The following MAGI1 variants were observed in gnomAD, a reference collection of about 807,000 sequenced individuals.
MAGI1 encodes the protein membrane-associated guanylate kinase, WW and PDZ domain-containing protein 1.
MAGI1 carries 58 observed loss-of-function variants against 139.9 expected under a neutral mutation model. The observed-to-expected ratio is 0.41, with a 90% CI of 0.34 to 0.52. MAGI1 has a LOEUF of 0.52. Ranked by LOEUF, MAGI1 falls within the 20% of genes least tolerant of loss-of-function variation. The probability of loss-of-function intolerance (pLI) is 0.12; values close to 1 mark genes in which losing one functional copy is unlikely to be tolerated. For missense variants in MAGI1, 1,874 were observed against 1,901.6 expected (o/e 0.99, Z 0.27); for synonymous variants, 812 against 737.9 (o/e 1.10, Z -1.63).
intron 1 of MAGI1, among the ~76,000 whole-genome samples, chr3:65,850,342 T>C (rs2059158972): frequency 6.6e-6 from 1 of 152,100 alleles, no homozygotes; most frequent in Non-Finnish European, 1.5e-5. Context: ...ATATGCAAAC[T>C]TAATCCCAGT....
chr3:65,642,789 G>C (rs1416245056), intron 1 of MAGI1, among the ~76,000 whole-genome samples: 1 of 152,118 alleles, frequency 6.6e-6, no homozygotes. Flanking sequence ...TTATATAAAA[G>C]AATAACAATT....
rs116344983 is a variant in MAGI1, at chr3:65,866,314, A to G, written c.313+171682T>C. ...CTGCATCCTCAACCTCCTGGGCTCA[A>G]GCGGTCCTCCCACCTCAACCTCCTG... On this transcript the variant is annotated intron_variant, in intron 1 of 22. Coordinates refer to ENST00000402939, the MANE Select transcript of MAGI1 (RefSeq NM_001033057.2). 5.1e-3 allele frequency among the ~76,000 whole-genome samples: 763 copies of G among 150,340 alleles called. 9 individuals are homozygous for G. Among genetic ancestry groups the G allele is most frequent in the African/African-American group, 0.018 (734 of 40,840 alleles).
At chr3:65,499,970 AT>A in intron 2 of MAGI1, among the ~76,000 whole-genome samples, 1 of 152,308 alleles carries the variant, frequency 6.6e-6, no homozygotes, top group Middle Eastern at 3.4e-3. Flanking sequence ...TTTAAGAAAT[AT>A]TTTAAGACCT....
chr3:65,573,712 C>T (rs2081058845), intron 2 of MAGI1, among the ~76,000 whole-genome samples: 1 of 152,074 alleles, frequency 6.6e-6, no homozygotes, highest in Non-Finnish European at 1.5e-5. Flanking sequence ...TTCTGTCTAA[C>T]ACTTTACTAG....
At chr3:65,869,458 T>G (rs2059857131) in intron 1 of MAGI1, among the ~76,000 whole-genome samples, 2 of 149,808 alleles carry the variant, frequency 1.3e-5, no homozygotes, top group South Asian at 2.2e-4. Flanking sequence ...TGGAGTGCAG[T>G]GGCGTGATCT....
At chr3:65,392,764 C>T (rs1458282468) in intron 13 of MAGI1, among the ~76,000 whole-genome samples, 1 of 152,172 alleles carries the variant, frequency 6.6e-6, no homozygotes, top group Non-Finnish European at 1.5e-5. Flanking sequence ...CCAAGGAGGA[C>T]AAAAACTTCA....
chr3:65,738,813 A>G (rs2035009410), intron 1 of MAGI1, among the ~76,000 whole-genome samples: 1 of 152,230 alleles, frequency 6.6e-6, no homozygotes, highest in South Asian at 2.1e-4. Flanking sequence ...GGCTTAAAAT[A>G]TTCAGTAAAA....
chr3:65,498,656 C>A (rs938418971), intron 2 of MAGI1, among the ~76,000 whole-genome samples: 7 of 152,306 alleles, frequency 4.6e-5, no homozygotes, highest in Non-Finnish European at 8.8e-5. Context: ...ACAAGTTGGG[C>A]AGAGCCATGG....
chr3:65,733,692 T>C (rs1447438678), intron 1 of MAGI1, among the ~76,000 whole-genome samples: 1 of 152,254 alleles, frequency 6.6e-6, no homozygotes, highest in African/African-American at 2.4e-5. Flanking sequence ...CTTGGATGTT[T>C]GATCTTAATC....
chr3:65,474,516 G>A (rs1201853634), intron 4 of MAGI1, among the ~76,000 whole-genome samples: 6 of 152,086 alleles, frequency 3.9e-5, no homozygotes, highest in African/African-American at 1.4e-4. Context: ...AGATTTTCAG[G>A]AGGTTTATGG....
Position 65,364,677 on chromosome 3 carries a change from G to C in MAGI1, c.3339C>G (p.Pro1113=), listed in dbSNP as rs1344608497. 6.2e-7 allele frequency: 1 copy of C among 1,613,916 alleles called. No homozygotes were observed. Among genetic ancestry groups the C allele is most frequent in the Non-Finnish European group, 8.5e-7 (1 of 1,179,878 alleles). The change falls in exon 20 of 23, where the codon CCC becomes CCG. Residue 1113 remains proline, a synonymous_variant. Transcript: ENST00000402939. ...ACATGGTGCTCACCTGTGTTGCTTG[G>C]GGTGCTTTGAACTCAAATTGAGATT... ...KQESQFEFKA[P]QATQEQDFYT...
chr3:65,493,643 A>G lies in MAGI1; in HGVS notation c.431-12T>C. ...AGATCGGGTTGTGCCTGTAGCAGAA[A>G]ATACAAAGGCACAACAAACCATCAA... On this transcript the variant is annotated splice_polypyrimidine_tract_variant and intron_variant, in intron 2 of 22. Coordinates refer to ENST00000402939, the MANE Select transcript of MAGI1 (RefSeq NM_001033057.2). 1 of 1,613,858 alleles carries G rather than the reference A, an allele frequency of 6.2e-7. No homozygotes were observed. The highest frequency in any genetic ancestry group is 8.5e-7 in the Non-Finnish European group (1 of 1,179,998).
chr3:65,608,086 G>GA (rs1341457834), intron 2 of MAGI1, among the ~76,000 whole-genome samples: 2 of 152,116 alleles, frequency 1.3e-5, no homozygotes, highest in Non-Finnish European at 2.9e-5. Flanking sequence ...ATAAGCAATA[G>GA]AATCAAAATT....
intron 1 of MAGI1, among the ~76,000 whole-genome samples, chr3:65,950,996 GAA>G (rs1340473349): frequency 5.5e-5 from 7 of 126,146 alleles, no homozygotes; most frequent in South Asian, 3.2e-4. Context: ...AGGAAGGAAG[GAA>G]GGAAGGAAGG....
chr3:65,512,746 A>C (rs2077662493), intron 2 of MAGI1, among the ~76,000 whole-genome samples: 2 of 147,434 alleles, frequency 1.4e-5, no homozygotes, highest in South Asian at 4.4e-4. Flanking sequence ...AACTGGTACC[A>C]TTCCTTCTGA....
At chr3:65,666,465 T>G (rs558640023) in intron 1 of MAGI1, among the ~76,000 whole-genome samples, 1 of 152,286 alleles carries the variant, frequency 6.6e-6, no homozygotes, top group South Asian at 2.1e-4. Context: ...GCTTTGAGAC[T>G]AAAAAATTCC....
intron 1 of MAGI1, among the ~76,000 whole-genome samples, chr3:65,724,466 G>A (rs1339422856): frequency 2.6e-5 from 4 of 152,118 alleles, no homozygotes; most frequent in African/African-American, 7.2e-5. Flanking sequence ...CTGGATACCT[G>A]GATCAGATAA....
At chr3:65,461,688 C>T (rs990077630) in intron 5 of MAGI1, among the ~76,000 whole-genome samples, 1 of 151,864 alleles carries the variant, frequency 6.6e-6, no homozygotes, top group Non-Finnish European at 1.5e-5. Flanking sequence ...TGGGGTTTCA[C>T]CGTATTAGCC....
At chr3:65,847,803 A>G (rs1236152388) in intron 1 of MAGI1, among the ~76,000 whole-genome samples, 4 of 152,186 alleles carry the variant, frequency 2.6e-5, no homozygotes, top group Non-Finnish European at 5.9e-5. Context: ...CTATTTTACA[A>G]GTGAGGACAC....
Sources: allele counts gnomAD v4.1 joint callset (sites outside exome capture counted in the v4.1 genomes callset), GRCh38; gene constraint gnomAD v4.1.1; transcripts MANE v1.5; gene names NCBI Gene and HGNC (gene_info 2026-07-23, HGNC 2026-07-21).